PRR5L: variants seen among roughly 807,000 people sequenced by gnomAD.
PRR5L encodes the protein proline rich 5 like, also known as proline-rich protein 5-like.
PRR5L carries 21 observed loss-of-function variants against 36.4 expected under a neutral mutation model. The ratio of observed to expected loss-of-function variants is 0.58; its 90% CI spans 0.41 to 0.83. The LOEUF is 0.83. Among genes scored for constraint, PRR5L ranks in the 40% least tolerant of loss-of-function variants. The probability of loss-of-function intolerance (pLI) is 0.00; values close to 1 mark genes in which losing one functional copy is unlikely to be tolerated. For missense variants in PRR5L, 381 were observed against 473.3 expected, an observed-to-expected ratio of 0.80 and a Z score of 1.81; for synonymous variants, 188 against 197.0, an observed-to-expected ratio of 0.95 and a Z score of 0.38.
chr11:36,325,645 T>C (rs188088483), intron 1 of PRR5L, among the ~76,000 whole-genome samples: 1 of 152,296 alleles, frequency 6.6e-6, no homozygotes, highest in Admixed American at 6.5e-5. Context: ...ATCTGATTGG[T>C]CGGGTGTGAG....
intron 4 of PRR5L, 50 bp from the exon 5 acceptor site, chr11:36,431,803 T>C: frequency 1.9e-6 from 3 of 1,562,490 alleles, no homozygotes; most frequent in Non-Finnish European, 2.6e-6. Context: ...GTTCATCACT[T>C]ACGCTCTGGA....
chr11:36,379,037 A>G (rs911381313), intron 1 of PRR5L, among the ~76,000 whole-genome samples: 2 of 152,198 alleles, frequency 1.3e-5, no homozygotes, highest in Non-Finnish European at 2.9e-5. Flanking sequence ...ATTTCACAGA[A>G]TGTTACAAAT....
At chr11:36,422,255 C>T (rs573584441) in intron 4 of PRR5L, among the ~76,000 whole-genome samples, 14 of 152,174 alleles carry the variant, frequency 9.2e-5, no homozygotes, top group African/African-American at 2.4e-4. Context: ...CTTGTAGAGG[C>T]GAGCTTAGCC....
rs989428790 is a variant in PRR5L at position 36,296,429 on chromosome 11, A to G, written c.-135A>G. 5 of 151,880 alleles carry G rather than the reference A, an allele frequency of 3.3e-5. No individual in the cohort carries two copies. The highest frequency in any genetic ancestry group is 7.3e-5 in the Non-Finnish European group (5 of 68,028). 9.4% of individuals were successfully genotyped at this position (151,880 alleles called of 1,614,324 possible). A position where few individuals can be genotyped will look rare whatever the true frequency, so the allele number is the denominator to read the frequency against. On this transcript the variant is annotated 5_prime_UTR_variant, in exon 1 of 9. Coordinates refer to ENST00000530639, the MANE Select transcript of PRR5L (RefSeq NM_001160167.2). ...GGTGGGACCTGCCCTGGAAGAAGAA[A>G]CCAGACCAGGTAACACAAGAGAGAC...
intron 3 of PRR5L, among the ~76,000 whole-genome samples, chr11:36,417,961 T>C (rs1858182005): frequency 6.6e-6 from 1 of 152,258 alleles, no homozygotes; most frequent in African/African-American, 2.4e-5. Flanking sequence ...TTACCTTGTC[T>C]GGATCAAAAT....
intron 1 of PRR5L, among the ~76,000 whole-genome samples, chr11:36,399,018 G>T (rs1347768036): frequency 6.6e-6 from 1 of 152,238 alleles, no homozygotes; most frequent in Non-Finnish European, 1.5e-5. Flanking sequence ...TCCTGTCTTA[G>T]TAGTGTGACC....
intron 4 of PRR5L, among the ~76,000 whole-genome samples, chr11:36,422,362 A>G (rs6484854): frequency 0.88 from 134,465 of 152,180 alleles, 59,623 homozygotes; most frequent in Middle Eastern, 0.93. Flanking sequence ...GAAGGCCTGG[A>G]GACAGATGAG....
At chr11:36,374,144 G>C in intron 1 of PRR5L, among the ~76,000 whole-genome samples, 1 of 142,626 alleles carries the variant, frequency 7.0e-6, no homozygotes, top group African/African-American at 2.7e-5. Flanking sequence ...GTCTTGCTCT[G>C]TCTCCCAGGC....
At position 36,351,305 on chromosome 11, in the gene PRR5L, TA is replaced by T. The variant is rs1333938756; in HGVS notation, c.-125-49691del. On this transcript the variant is annotated intron_variant, in intron 1 of 8. Coordinates refer to ENST00000530639, the MANE Select transcript of PRR5L (RefSeq NM_001160167.2). ...ATGTATATTTATATATTTATATATA[TA>T]TTTATATATATTTATAAATATTTAT... Among the ~76,000 whole-genome samples the T allele has an allele frequency of 2.1e-4, 16 of 74,482 alleles. 1 individual carries two copies. Among genetic ancestry groups the T allele is most frequent in the South Asian group, 1.8e-3 (3 of 1,706 alleles). The allele number at this position is 74,482 out of a possible 152,430, so 48.9% of individuals were successfully genotyped here. A position where few individuals can be genotyped will look rare whatever the true frequency, so the allele number is the denominator to read the frequency against.
At chr11:36,378,807 A>G (rs1387778113) in intron 1 of PRR5L, among the ~76,000 whole-genome samples, 1 of 152,236 alleles carries the variant, frequency 6.6e-6, no homozygotes, top group African/African-American at 2.4e-5. Context: ...AAACAATGAT[A>G]TAGGTACTAT....
chr11:36,370,512 A>T (rs1857186420), intron 1 of PRR5L, among the ~76,000 whole-genome samples: 1 of 152,216 alleles, frequency 6.6e-6, no homozygotes, highest in African/African-American at 2.4e-5. Flanking sequence ...GCTTGACACC[A>T]ATAAGTGGCC....
chr11:36,429,908 C>T (rs12418202), intron 4 of PRR5L, among the ~76,000 whole-genome samples: 16,157 of 152,268 alleles, frequency 0.11, 1,146 homozygotes, highest in South Asian at 0.22. Flanking sequence ...TATTTTCTTG[C>T]TTTCTGACCC....
At chr11:36,297,220 C>T (rs554022366) in intron 1 of PRR5L, among the ~76,000 whole-genome samples, 33 of 152,184 alleles carry the variant, frequency 2.2e-4, no homozygotes, top group Non-Finnish European at 3.7e-4. Flanking sequence ...CCCGCCCAGC[C>T]CTGCTGGTCT....
chr11:36,306,716 C>A (rs141259351), intron 1 of PRR5L, among the ~76,000 whole-genome samples: 1 of 152,214 alleles, frequency 6.6e-6, no homozygotes, highest in East Asian at 1.9e-4. Context: ...CATGAGGATA[C>A]CAGTTTTTTC....
At chr11:36,449,852 G>A (rs1419811364) in intron 7 of PRR5L, among the ~76,000 whole-genome samples, 1 of 152,168 alleles carries the variant, frequency 6.6e-6, no homozygotes, top group Non-Finnish European at 1.5e-5. Context: ...AAACCATCTA[G>A]CTCCAAATCA....
intron 1 of PRR5L, chr11:36,329,143 T>C (rs1856694194): frequency 6.6e-6 from 1 of 152,142 alleles, no homozygotes; most frequent in South Asian, 2.1e-4. Context: ...GTCAAGAAGA[T>C]TTCTAGAAAT....
At chr11:36,356,866 C>A (rs1277156256) in intron 1 of PRR5L, among the ~76,000 whole-genome samples, 24 of 152,128 alleles carry the variant, frequency 1.6e-4, no homozygotes, top group Admixed American at 1.6e-3. Flanking sequence ...AATAATGCCA[C>A]AATGACCTCT....
At chr11:36,340,306 G>A (rs1224011869) in intron 1 of PRR5L, among the ~76,000 whole-genome samples, 2 of 152,182 alleles carry the variant, frequency 1.3e-5, no homozygotes, top group African/African-American at 4.8e-5. Context: ...GTATGCCCAT[G>A]GGCTCAGGCT....
chr11:36,398,895 G>A (rs1254706637), intron 1 of PRR5L: 2 of 152,232 alleles, frequency 1.3e-5, no homozygotes, highest in East Asian at 3.9e-4. Context: ...GCCATGGAAT[G>A]AGAGGCAGCT....
Sources: allele counts gnomAD v4.1 joint callset (sites outside exome capture counted in the v4.1 genomes callset), GRCh38; gene constraint gnomAD v4.1.1; transcripts MANE v1.5; gene names NCBI Gene and HGNC (gene_info 2026-07-23, HGNC 2026-07-21).